Variants in UBE4B observed in about 807,000 individuals in gnomAD.
The protein encoded by UBE4B is ubiquitin conjugation factor E4 B.
Under a neutral mutation model 148.1 loss-of-function variants are expected in UBE4B, and 27 were observed. That is an observed-to-expected ratio of 0.18 (90% CI 0.13 to 0.25). The LOEUF is 0.25. Ranked by LOEUF, UBE4B falls within the 10% of genes least tolerant of loss-of-function variation. UBE4B has a pLI of 1.00. For synonymous variants in UBE4B, 596 were observed against 619.3 expected (o/e 0.96, Z 0.56); for missense variants, 1,170 against 1,662.4 (o/e 0.70, Z 5.15).
intron 1 of UBE4B, among the ~76,000 whole-genome samples, chr1:10,063,311 ATTT>A (rs1301606759): frequency 6.6e-6 from 1 of 152,114 alleles, no homozygotes; most frequent in Non-Finnish European, 1.5e-5. Flanking sequence ...CCTGTAGGAC[ATTT>A]TTGGTTGGGT....
chr1:10,138,008 C>T (rs759143079), intron 17 of UBE4B, among the ~76,000 whole-genome samples: 6 of 126,512 alleles, frequency 4.7e-5, no homozygotes, highest in East Asian at 5.3e-4. Flanking sequence ...GATCTCAGCT[C>T]GGTGCAACCT....
intron 24 of UBE4B, among the ~76,000 whole-genome samples, chr1:10,169,683 C>T (rs1279932874): frequency 6.6e-6 from 1 of 152,186 alleles, no homozygotes; most frequent in African/African-American, 2.4e-5. Flanking sequence ...CTATTTTGTA[C>T]ACTTGTTGGG....
chr1:10,154,600 G>A (rs1377298428), intron 21 of UBE4B, among the ~76,000 whole-genome samples: 1 of 152,088 alleles, frequency 6.6e-6, no homozygotes, highest in Admixed American at 6.5e-5. Flanking sequence ...CACTTTGGGA[G>A]GCTGAGGCAG....
chr1:10,179,266 G>A (rs1646471597), intron 26 of UBE4B, 150 bp from the exon 27 acceptor site: 2 of 944,384 alleles, frequency 2.1e-6, no homozygotes, highest in Middle Eastern at 3.4e-4. Context: ...CTTTATTGAA[G>A]GCTGATTTCC....
In UBE4B at chr1:10,180,925, T is replaced by TA. The variant is rs1646495320; in HGVS notation, c.*970dup. 1 of 152,478 alleles carries TA rather than the reference T, an allele frequency of 6.6e-6. No individual in the cohort carries two copies. The highest frequency in any genetic ancestry group is 2.4e-5 in the African/African-American group (1 of 41,372). 9.4% of individuals were successfully genotyped at this position (152,478 alleles called of 1,614,324 possible). On this transcript the variant is annotated 3_prime_UTR_variant, in exon 28 of 28. Coordinates refer to ENST00000343090, the MANE Select transcript of UBE4B (RefSeq NM_001105562.3). ...GTCATTTGTGTGATGTGTTTGGCCTTACCAAAGCAAAAGAGGGTGCAAGAA... is the reference window on the plus strand; with the variant it reads ...GTCATTTGTGTGATGTGTTTGGCCTTAACCAAAGCAAAAGAGGGTGCAAGAA...
At chr1:10,108,146 G>GGT (rs145406095) in intron 7 of UBE4B, among the ~76,000 whole-genome samples, 2,296 of 148,580 alleles carry the variant, frequency 0.015, 49 homozygotes, top group African/African-American at 0.05. Flanking sequence ...ATTTGGGGGA[G>GGT]GTGTGTGTGT....
intron 4 of UBE4B, among the ~76,000 whole-genome samples, chr1:10,102,553 C>T (rs377349325): frequency 4.0e-5 from 6 of 151,446 alleles, no homozygotes; most frequent in Admixed American, 4.0e-4. Flanking sequence ...TCCGAGTAGC[C>T]AGGCCCGCAA....
chr1:10,091,016 T>A (rs1016444247), intron 2 of UBE4B, among the ~76,000 whole-genome samples: 1 of 152,214 alleles, frequency 6.6e-6, no homozygotes, highest in Admixed American at 6.5e-5. Context: ...TAGCAAACTC[T>A]TCTCAGTTAT....
At chr1:10,171,580 TGA>T (rs1486645917) in intron 25 of UBE4B, among the ~76,000 whole-genome samples, 5 of 152,084 alleles carry the variant, frequency 3.3e-5, no homozygotes, top group African/African-American at 1.2e-4. Context: ...CCAGAATGGG[TGA>T]GAGAGTGAGA....
At chr1:10,067,179 C>T (rs1040890896) in intron 1 of UBE4B, among the ~76,000 whole-genome samples, 2 of 152,206 alleles carry the variant, frequency 1.3e-5, no homozygotes, top group African/African-American at 4.8e-5. Context: ...TGTTTTGAAT[C>T]TATTTTTAGT....
chr1:10,169,356 ACTCT>A (rs1159714788), intron 24 of UBE4B, among the ~76,000 whole-genome samples: 1 of 151,762 alleles, frequency 6.6e-6, no homozygotes, highest in Non-Finnish European at 1.5e-5. Flanking sequence ...TCGTTATGTG[ACTCT>A]CTGTTATGTG....
chr1:10,042,337 A>G (rs1643804426), intron 1 of UBE4B, among the ~76,000 whole-genome samples: 2 of 152,062 alleles, frequency 1.3e-5, no homozygotes, highest in Non-Finnish European at 2.9e-5. Flanking sequence ...GCTTCGTCCT[A>G]GTGGGAGGAG....
At position 10,063,397 on chromosome 1, in the gene UBE4B, A is replaced by G. The variant is rs72859602; in HGVS notation, c.25-8631A>G. Among the ~76,000 whole-genome samples the G allele has an allele frequency of 7.0e-3, 1,071 of 152,276 alleles. 18 individuals are homozygous for G. The highest frequency in any genetic ancestry group is 0.025 in the African/African-American group (1,032 of 41,546). ...CTTAAAATCTCCTTCTGTATTTTCA[A>G]TTTTAGGGTATTTTACCATTCATTT... On this transcript the variant is annotated intron_variant, in intron 1 of 27. Transcript: ENST00000343090.
At chr1:10,057,420 CTTTTT>C (rs1359827824) in intron 1 of UBE4B, among the ~76,000 whole-genome samples, 1 of 132,916 alleles carries the variant, frequency 7.5e-6, no homozygotes, top group Non-Finnish European at 1.6e-5. Flanking sequence ...AGTCTTTTCT[CTTTTT>C]TTTTTTTTTT....
intron 9 of UBE4B, 40 bp downstream of exon 9, chr1:10,119,653 G>C (rs1230926620): frequency 1.3e-6 from 2 of 1,586,492 alleles, no homozygotes; most frequent in African/African-American, 2.7e-5. Context: ...AGCAGGCAGA[G>C]AGCCCTAGCC....
chr1:10,175,476 C>G (rs920498163), intron 25 of UBE4B, among the ~76,000 whole-genome samples: 1 of 148,130 alleles, frequency 6.8e-6, no homozygotes, highest in African/African-American at 2.6e-5. Flanking sequence ...ACGGTGAAAC[C>G]CCATCTCTAC....
At chr1:10,054,473 C>T (rs1404284957) in intron 1 of UBE4B, 3 of 428,806 alleles carry the variant, frequency 7.0e-6, no homozygotes, top group African/African-American at 4.1e-5. Flanking sequence ...TAGGTTCCAG[C>T]AGCTCAGGCT....
At chr1:10,126,960 C>G in intron 11 of UBE4B, 83 bp downstream of exon 11, 1 of 1,202,410 alleles carries the variant, frequency 8.3e-7, no homozygotes, top group Non-Finnish European at 1.2e-6. Flanking sequence ...TCTTTCAGGT[C>G]CATGAGATCA....
chr1:10,076,144 G>T (rs1237301347), intron 2 of UBE4B, among the ~76,000 whole-genome samples: 1 of 152,094 alleles, frequency 6.6e-6, no homozygotes, highest in African/African-American at 2.4e-5. Flanking sequence ...TATTTTCTGT[G>T]GTCCTGGAAG....
Sources: allele counts gnomAD v4.1 joint callset (sites outside exome capture counted in the v4.1 genomes callset), GRCh38; gene constraint gnomAD v4.1.1; transcripts MANE v1.5; gene names NCBI Gene and HGNC (gene_info 2026-07-23, HGNC 2026-07-21).